The following ABLIM1 variants were observed in gnomAD, a reference collection of about 807,000 sequenced individuals.
ABLIM1 encodes actin-binding LIM protein 1.
ABLIM1 carries 40 observed loss-of-function variants against 107.0 expected under a neutral mutation model. The ratio of observed to expected loss-of-function variants is 0.37; its 90% CI spans 0.29 to 0.49. ABLIM1 has a LOEUF of 0.49. Ranked by LOEUF, ABLIM1 falls within the 20% of genes least tolerant of loss-of-function variation. The pLI is 0.97. For missense variants in ABLIM1, 857 were observed against 1,008.5 expected (o/e 0.85, Z 2.04); for synonymous variants, 357 against 357.3 (o/e 1.00, Z 0.01).
At chr10:114,781,903 C>T in the ABLIM1 span, among the ~76,000 whole-genome samples, 1 of 151,880 alleles carries the variant, frequency 6.6e-6, no homozygotes. Context: ...AAACAAAAGG[C>T]ACTGTGGTCT....
intron 8 of ABLIM1, among the ~76,000 whole-genome samples, chr10:114,481,643 A>G (rs2057388441): frequency 6.6e-6 from 1 of 152,234 alleles, no homozygotes; most frequent in African/African-American, 2.4e-5. Context: ...AGGAGGCAGG[A>G]GGGTGCTGTG....
chr10:114,547,364 CAG>C (rs2067491770), intron 5 of ABLIM1: 4 of 333,490 alleles, frequency 1.2e-5, no homozygotes, highest in African/African-American at 2.1e-5. Context: ...TGAACAGCAA[CAG>C]GGAAATTATT....
At chr10:114,769,415 AAAAGAAGGAAAGAAAGAAAG>A (rs1210838858), upstream of ABLIM1, among the ~76,000 whole-genome samples, 2,415 of 133,652 alleles carry the variant, frequency 0.018, 55 homozygotes, top group East Asian at 0.036. Flanking sequence ...AGAAAGAAAG[AAAAGAAGGAAAGAAAGAAAG>A]AAAGAAAGAA....
At position 114,629,832 on chromosome 10, in the gene ABLIM1, C is replaced by T. The variant is rs917359052; in HGVS notation, c.245-27871G>A. ...TCCTATGGAAACCCTTGTGTACCTA[C>T]CAAAAACAAACAAACAAACAAACAA... is the stretch of plus-strand genomic sequence containing the variant. On this transcript the variant is annotated intron_variant, in intron 1 of 22. Transcript: ENST00000533213. The surrounding 1 kb of genome is among the most constrained non-coding windows in gnomAD (Gnocchi z 4.0). 6.7e-6 allele frequency among the ~76,000 whole-genome samples: 1 copy of T among 149,074 alleles called. No homozygotes were observed. Among genetic ancestry groups the T allele is most frequent in the Admixed American group, 6.6e-5 (1 of 15,154 alleles).
intron 6 of ABLIM1, among the ~76,000 whole-genome samples, chr10:114,509,642 T>C (rs2061585879): frequency 6.6e-6 from 1 of 152,178 alleles, no homozygotes; most frequent in Admixed American, 6.5e-5. Context: ...AGTTAAGTTT[T>C]CTAACCTTGG....
intron 1 of ABLIM1, among the ~76,000 whole-genome samples, chr10:114,679,988 T>C (rs922003169): frequency 6.6e-6 from 1 of 152,202 alleles, no homozygotes; most frequent in Non-Finnish European, 1.5e-5. Context: ...GTTTGAAATT[T>C]TTACAATGAA....
intron 1 of ABLIM1, among the ~76,000 whole-genome samples, chr10:114,766,920 C>T (rs563057789): frequency 6.6e-6 from 1 of 152,278 alleles, no homozygotes; most frequent in East Asian, 1.9e-4. Flanking sequence ...CCTATGTCAC[C>T]TCTGCATCCT....
chr10:114,645,569 T>A (rs549585845), intron 1 of ABLIM1, among the ~76,000 whole-genome samples: 3 of 152,288 alleles, frequency 2.0e-5, no homozygotes, highest in South Asian at 2.1e-4. Context: ...CATCTAAAGA[T>A]AACAGAGACA....
chr10:114,570,630 T>C (rs2071525578), intron 4 of ABLIM1, among the ~76,000 whole-genome samples: 1 of 128,210 alleles, frequency 7.8e-6, no homozygotes, highest in Non-Finnish European at 1.6e-5. Context: ...TTTGAGATGG[T>C]CTAGCTTTGT....
chr10:114,776,596 G>C, the ABLIM1 span, among the ~76,000 whole-genome samples: 7 of 152,040 alleles, frequency 4.6e-5, no homozygotes, highest in Non-Finnish European at 1.0e-4. Flanking sequence ...CTGGGCAATA[G>C]AGCAAGACTT....
chr10:114,485,286 A>G, intron 8 of ABLIM1: 1 of 1,601,454 alleles, frequency 6.2e-7, no homozygotes, highest in Non-Finnish European at 8.5e-7. Flanking sequence ...CAGCCTAGAC[A>G]CAATGCCAAC....
intron 19 of ABLIM1, 28 bp from the exon 20 acceptor site, chr10:114,440,117 A>C: frequency 6.3e-6 from 10 of 1,597,570 alleles, no homozygotes; most frequent in Non-Finnish European, 8.6e-6. Context: ...AGAAAATATC[A>C]TAAGGGAAAG....
intron 1 of ABLIM1, among the ~76,000 whole-genome samples, chr10:114,722,256 G>T (rs370576837): frequency 6.6e-6 from 1 of 152,164 alleles, no homozygotes; most frequent in Non-Finnish European, 1.5e-5. Context: ...AATTATGGTG[G>T]AAGGCAAAGG....
In ABLIM1 at chr10:114,483,966, G is replaced by A. The variant is rs1313470191; in HGVS notation, c.1041+3992C>T. On this transcript the variant is annotated intron_variant, in intron 8 of 22. Transcript: ENST00000533213. ...TCTCCAGCCTGGCTGTTCCTCTGCC[G>A]GGCTGGTTGAGTCCTCTCCCTTCCC... 7.2e-5 allele frequency among the ~76,000 whole-genome samples: 11 copies of A among 152,262 alleles called. 1 individual carries two copies. The highest frequency in any genetic ancestry group is 2.1e-4 in the South Asian group (1 of 4,822).
rs1428098322 is a variant in ABLIM1 at position 114,707,846 on chromosome 10, A to G, written c.-213+60215T>C. Among the ~76,000 whole-genome samples, 1 of 152,156 alleles carries G rather than the reference A, an allele frequency of 6.6e-6. No homozygotes were observed. The highest frequency in any genetic ancestry group is 1.5e-5 in the Non-Finnish European group (1 of 68,036). On this transcript the variant is annotated intron_variant, in intron 1 of 15. Coordinates refer to the ABLIM1 transcript ENST00000651092. This position sits in a 1 kb window ranked among gnomAD's most constrained non-coding sequence, Gnocchi z 4.1. ...AACATGGGAGACAGAGGTTGCAGTG[A>G]GCGGAGATTGCACCATTGCACTCTA... is the stretch of plus-strand genomic sequence containing the variant.
At chr10:114,493,069 A>T (rs1433702129) in intron 6 of ABLIM1, among the ~76,000 whole-genome samples, 2 of 152,154 alleles carry the variant, frequency 1.3e-5, no homozygotes, top group South Asian at 2.1e-4. Context: ...TATTTGTAAA[A>T]TTTTTTACTT....
At chr10:114,517,584 A>G (rs1341985614) in intron 6 of ABLIM1, among the ~76,000 whole-genome samples, 2 of 152,122 alleles carry the variant, frequency 1.3e-5, no homozygotes, top group South Asian at 2.1e-4. Context: ...AATTCAAGGC[A>G]TCAACGACAG....
At chr10:114,595,154 T>C (rs1471965648) in intron 2 of ABLIM1, 1 of 136,774 alleles carries the variant, frequency 7.3e-6, no homozygotes, top group Non-Finnish European at 1.6e-5. Flanking sequence ...AAAAAAAAAA[T>C]AGATCTTGGT....
chr10:114,781,549 T>C, the ABLIM1 span, among the ~76,000 whole-genome samples: 20 of 96,692 alleles, frequency 2.1e-4, no homozygotes, highest in African/African-American at 6.4e-4. Context: ...TATATATCTA[T>C]ATATGTGTGT....
Sources: allele counts gnomAD v4.1 joint callset (sites outside exome capture counted in the v4.1 genomes callset), GRCh38; gene constraint gnomAD v4.1.1; non-coding constraint Gnocchi (gnomAD v3.1); transcripts MANE v1.5; gene names NCBI Gene and HGNC (gene_info 2026-07-23, HGNC 2026-07-21).